Variants in TMC1 observed in about 807,000 individuals in gnomAD.
TMC1 encodes the protein transmembrane channel like 1, also known as transmembrane channel-like protein 1.
A neutral mutation model predicts 105.8 loss-of-function variants in TMC1; 84 were observed. The observed-to-expected ratio is 0.79, with a 90% CI of 0.67 to 0.95. The LOEUF is 0.95. Ranked by LOEUF, TMC1 falls within the 40% of genes least tolerant of loss-of-function variation. TMC1 has a pLI of 0.00. For synonymous variants in TMC1, 315 were observed against 311.5 expected, an observed-to-expected ratio of 1.01 and a Z score of -0.12; for missense variants, 817 against 914.1, an observed-to-expected ratio of 0.89 and a Z score of 1.37.
chr9:72,789,371 T>C (rs1828225855), intron 15 of TMC1, 54 bp downstream of exon 15: 1 of 1,568,634 alleles, frequency 6.4e-7, no homozygotes, highest in Admixed American at 1.7e-5. Context: ...GTTTCTTTTG[T>C]GGGTTATGTT....
At chr9:72,523,759 T>C (rs13287723) in intron 1 of TMC1, among the ~76,000 whole-genome samples, 8,843 of 152,070 alleles carry the variant, frequency 0.058, 302 homozygotes, top group Non-Finnish European at 0.07. Flanking sequence ...AATCTTCATA[T>C]GAGTGGACCC....
chr9:72,782,356 C>A (rs575746992), intron 13 of TMC1, among the ~76,000 whole-genome samples: 2 of 152,290 alleles, frequency 1.3e-5, no homozygotes, highest in South Asian at 4.1e-4. Flanking sequence ...CAACATCATA[C>A]TGAACAGGCA....
At chr9:72,725,325 G>GTATATACA (rs1827097146) in intron 8 of TMC1, among the ~76,000 whole-genome samples, 1 of 77,682 alleles carries the variant, frequency 1.3e-5, no homozygotes, top group African/African-American at 3.8e-5. Context: ...ATGTGTGTAT[G>GTATATACA]TATATATATA....
At chr9:72,806,633 C>G (rs578199295) in intron 18 of TMC1, among the ~76,000 whole-genome samples, 1 of 150,932 alleles carries the variant, frequency 6.6e-6, no homozygotes, top group Non-Finnish European at 1.5e-5. Context: ...GGGTCGCAGC[C>G]GGGCAGAGGT....
intron 1 of TMC1, among the ~76,000 whole-genome samples, chr9:72,522,178 CT>C (rs1823323995): frequency 7.9e-6 from 1 of 125,992 alleles, no homozygotes; most frequent in Admixed American, 8.2e-5. Flanking sequence ...GAGACGGAGT[CT>C]TGCTCTGTCT....
intron 1 of TMC1, among the ~76,000 whole-genome samples, chr9:72,541,292 G>C (rs1407206817): frequency 3.9e-5 from 6 of 152,098 alleles, no homozygotes; most frequent in African/African-American, 1.4e-4. Flanking sequence ...AAGACTTGTT[G>C]GTGCCAAGAA....
At chr9:72,650,880 A>ATATATATATTTATATATATATATATATT (rs1305114212) in intron 5 of TMC1, among the ~76,000 whole-genome samples, 4 of 131,710 alleles carry the variant, frequency 3.0e-5, no homozygotes, top group African/African-American at 1.1e-4. Context: ...TTTTATATAT[A>ATATATATATTTATATATATATATATATT]TAGATATATA....
intron 1 of TMC1, among the ~76,000 whole-genome samples, chr9:72,534,039 A>G (rs1426694565): frequency 6.6e-6 from 1 of 152,158 alleles, no homozygotes; most frequent in Non-Finnish European, 1.5e-5. Flanking sequence ...AGGCTGAGGC[A>G]GGAGAATCGC....
intron 2 of TMC1, among the ~76,000 whole-genome samples, chr9:72,579,701 T>G (rs551430751): frequency 1.3e-5 from 2 of 152,312 alleles, no homozygotes; most frequent in Middle Eastern, 3.4e-3. Flanking sequence ...AACAGTCTTA[T>G]GCAGTCTCTA....
chr9:72,643,451 C>T (rs1234766512), intron 4 of TMC1, among the ~76,000 whole-genome samples: 1 of 152,160 alleles, frequency 6.6e-6, no homozygotes, highest in Non-Finnish European at 1.5e-5. Context: ...TAACATATCT[C>T]AGTTTCCTTG....
chr9:72,792,715 AAAC>A (rs1828295333), intron 17 of TMC1, among the ~76,000 whole-genome samples: 1 of 152,182 alleles, frequency 6.6e-6, no homozygotes, highest in Non-Finnish European at 1.5e-5. Flanking sequence ...CTGTAAAACA[AAAC>A]AAAACAAAAC....
chr9:72,600,206 CT>C (rs982594176), intron 2 of TMC1, among the ~76,000 whole-genome samples: 8 of 152,324 alleles, frequency 5.3e-5, no homozygotes, highest in Admixed American at 3.3e-4. Flanking sequence ...AAAATATACA[CT>C]TTGGTTCATT....
At chr9:72,605,294 A>AT (rs1443835725) in intron 2 of TMC1, among the ~76,000 whole-genome samples, 1 of 152,192 alleles carries the variant, frequency 6.6e-6, no homozygotes, top group African/African-American at 2.4e-5. Context: ...ATTTCTGGGG[A>AT]TGAGGAATCC....
At chr9:72,793,926 A>T (rs967710130) in intron 17 of TMC1, among the ~76,000 whole-genome samples, 3 of 152,156 alleles carry the variant, frequency 2.0e-5, no homozygotes, top group Non-Finnish European at 4.4e-5. Flanking sequence ...GGCAACTGAA[A>T]GTTCCTCTGC....
chr9:72,789,411 C>G (rs977200782), intron 15 of TMC1, 94 bp downstream of exon 15: 2 of 1,215,886 alleles, frequency 1.6e-6, no homozygotes, highest in Non-Finnish European at 1.2e-6. Flanking sequence ...AAAGGCCACC[C>G]TTTACCTATC....
chr9:72,735,818 A>G (rs1341095685), intron 8 of TMC1, among the ~76,000 whole-genome samples: 1 of 152,182 alleles, frequency 6.6e-6, no homozygotes, highest in Non-Finnish European at 1.5e-5. Context: ...TGGGGGAATG[A>G]AGAATCTCTT....
intron 4 of TMC1, among the ~76,000 whole-genome samples, chr9:72,634,376 CTATTA>C (rs1825498469): frequency 6.6e-6 from 1 of 152,118 alleles, no homozygotes; most frequent in South Asian, 2.1e-4. Flanking sequence ...TGAGCAGTAA[CTATTA>C]TAGAAAGGTA....
At chr9:72,668,760 T>C (rs754291676) in intron 5 of TMC1, among the ~76,000 whole-genome samples, 12 of 152,202 alleles carry the variant, frequency 7.9e-5, no homozygotes, top group Non-Finnish European at 1.2e-4. Context: ...AAATAATGTT[T>C]ACTAAATTCT....
intron 2 of TMC1, among the ~76,000 whole-genome samples, chr9:72,611,587 A>AG (rs1825025232): frequency 6.6e-6 from 1 of 152,056 alleles, no homozygotes. Flanking sequence ...CAGAGAAGGT[A>AG]GGGGGCAGGA....
Sources: allele counts gnomAD v4.1 joint callset (sites outside exome capture counted in the v4.1 genomes callset), GRCh38; gene constraint gnomAD v4.1.1; transcripts MANE v1.5; gene names NCBI Gene and HGNC (gene_info 2026-07-23, HGNC 2026-07-21).